Variants in XPO1 observed in about 807,000 individuals in gnomAD.
The protein encoded by XPO1 is exportin 1.
XPO1 carries 5 observed loss-of-function variants against 133.3 expected under a neutral mutation model. That is an observed-to-expected ratio of 0.04 (90% CI 0.02 to 0.08). The LOEUF is 0.08. XPO1 is among the 10% of genes least tolerant of loss of function. The pLI, the probability that XPO1 is intolerant of heterozygous loss-of-function variation, is 1.00. For missense variants in XPO1, 506 were observed against 1,267.5 expected, an observed-to-expected ratio of 0.40 and a Z score of 9.12; for synonymous variants, 419 against 408.2, an observed-to-expected ratio of 1.03 and a Z score of -0.32.
intron 2 of XPO1, among the ~76,000 whole-genome samples, chr2:61,532,368 C>A (rs1027012623): frequency 6.6e-6 from 1 of 151,928 alleles, no homozygotes; most frequent in Non-Finnish European, 1.5e-5. Flanking sequence ...ACCTCGTCAT[C>A]CGCCGGCGTC....
Position 61,478,481 on chromosome 2 carries a change from G to GA in XPO1, c.*338dup, listed in dbSNP as rs762058763. The GA allele has an allele frequency of 2.6e-5, 7 of 273,038 alleles. No homozygotes were observed. Among genetic ancestry groups the GA allele is most frequent in the Non-Finnish European group, 4.8e-5 (7 of 144,882 alleles). 16.9% of individuals were successfully genotyped at this position (273,038 alleles called of 1,614,324 possible). A position where few individuals can be genotyped will look rare whatever the true frequency, so the allele number is the denominator to read the frequency against. Reference sequence around the variant, plus strand: ...AATTAAAAATTGGTATTGTTTACAGGAAAAATTGTATAATTTTGCATTAGA... The same window carrying GA: ...AATTAAAAATTGGTATTGTTTACAGGAAAAAATTGTATAATTTTGCATTAGA... On this transcript the variant is annotated 3_prime_UTR_variant, in exon 25 of 25. Transcript: ENST00000401558.
intron 2 of XPO1, among the ~76,000 whole-genome samples, chr2:61,531,013 G>C (rs1558682234): frequency 6.6e-6 from 1 of 152,076 alleles, no homozygotes; most frequent in Admixed American, 6.6e-5. Context: ...TTGTACATGG[G>C]ACTTAAGCAA....
At chr2:61,527,923 T>C (rs188704842) in intron 2 of XPO1, among the ~76,000 whole-genome samples, 37 of 151,916 alleles carry the variant, frequency 2.4e-4, no homozygotes, top group African/African-American at 8.9e-4. Flanking sequence ...TTTATTCCTT[T>C]TTTCTCTCTT....
intron 24 of XPO1, among the ~76,000 whole-genome samples, chr2:61,480,858 A>G (rs970262460): frequency 2.0e-5 from 3 of 152,166 alleles, no homozygotes; most frequent in African/African-American, 7.2e-5. Flanking sequence ...AGTTCCCTCA[A>G]CTAACAAAAT....
intron 2 of XPO1, among the ~76,000 whole-genome samples, chr2:61,531,932 T>G (rs1414101468): frequency 3.3e-5 from 5 of 152,212 alleles, no homozygotes; most frequent in Admixed American, 3.3e-4. Flanking sequence ...AGTAATTTTT[T>G]CTACTTTTAG....
chr2:61,510,726 C>A (rs569372922), intron 4 of XPO1, among the ~76,000 whole-genome samples: 13 of 152,164 alleles, frequency 8.5e-5, no homozygotes, highest in Middle Eastern at 3.4e-3. Context: ...CGCTTGAGCC[C>A]AGGAGTTCAG....
chr2:61,484,220 G>T, intron 20 of XPO1, 115 bp from the exon 21 acceptor site: 1 of 896,498 alleles, frequency 1.1e-6, no homozygotes. Flanking sequence ...ATAAACCACA[G>T]AAGATAGAAT....
Position 61,481,259 on chromosome 2 carries a change from T to C in XPO1, c.2995A>G (p.Thr999Ala). 1 of 1,611,350 alleles carries C rather than the reference T, an allele frequency of 6.2e-7. No individual in the cohort carries two copies. The highest frequency in any genetic ancestry group is 8.5e-7 in the Non-Finnish European group (1 of 1,179,136). Reference sequence around the variant, plus strand: ...TCTTGATTTAAGCTGAAAAGCCCTGTCACAAAGAGCTTTACTTGAGCACTG... The same window carrying C: ...TCTTGATTTAAGCTGAAAAGCCCTGCCACAAAGAGCTTTACTTGAGCACTG... ...LQDAQVKLFV[T>A]GLFSLNQDIP... Residue 999 changes from threonine (T) to alanine (A), a missense_variant, in exon 24 of 25, where the codon ACA (threonine) becomes GCA (alanine). Transcript: ENST00000401558.
intron 21 of XPO1, 140 bp from the exon 22 acceptor site, chr2:61,483,231 G>C (rs1357785652): frequency 1.2e-5 from 10 of 865,534 alleles, no homozygotes; most frequent in South Asian, 2.0e-5. Context: ...ACTTGCATAA[G>C]GTTTCTTAAA....
At chr2:61,481,466 T>A (rs1345269753) in intron 23 of XPO1, among the ~76,000 whole-genome samples, 185 bp from the exon 24 acceptor site, 1 of 152,092 alleles carries the variant, frequency 6.6e-6, no homozygotes, top group African/African-American at 2.4e-5. Flanking sequence ...CAAGAATTTT[T>A]TTTTAATTTT....
intron 3 of XPO1, among the ~76,000 whole-genome samples, chr2:61,524,860 G>C (rs1698848579): frequency 6.6e-6 from 1 of 152,136 alleles, no homozygotes; most frequent in African/African-American, 2.4e-5. Flanking sequence ...TGAGGTTACA[G>C]TGAGCTATAA....
intron 2 of XPO1, among the ~76,000 whole-genome samples, chr2:61,529,593 C>A (rs890967600): frequency 6.6e-6 from 1 of 150,462 alleles, no homozygotes; most frequent in Non-Finnish European, 1.5e-5. Flanking sequence ...ACCCGGAAGG[C>A]GGAGGTTGCA....
chr2:61,495,759 C>T (rs1558643270), intron 10 of XPO1, 146 bp from the exon 11 acceptor site: 1 of 711,658 alleles, frequency 1.4e-6, no homozygotes, highest in African/African-American at 1.8e-5. Flanking sequence ...GCAGCCTCCA[C>T]CTCCTAGGCC....
intron 4 of XPO1, among the ~76,000 whole-genome samples, chr2:61,516,292 C>G (rs1558664795): frequency 6.6e-6 from 1 of 150,640 alleles, no homozygotes; most frequent in Non-Finnish European, 1.5e-5. Context: ...GCAACAACAG[C>G]GAAACTCCGC....
intron 24 of XPO1, among the ~76,000 whole-genome samples, chr2:61,480,062 A>T (rs1696264033): frequency 1.3e-5 from 2 of 151,746 alleles, no homozygotes; most frequent in African/African-American, 4.8e-5. Flanking sequence ...ATGAGGTTTC[A>T]CCATGTTGGC....
intron 1 of XPO1, chr2:61,536,460 T>C (rs1399387715): frequency 6.6e-6 from 1 of 152,240 alleles, no homozygotes; most frequent in Non-Finnish European, 1.5e-5. Context: ...TAATGGATAA[T>C]GTGACTCTAC....
intron 18 of XPO1, 101 bp from the exon 19 acceptor site, chr2:61,488,372 T>G: frequency 7.5e-7 from 1 of 1,330,222 alleles, no homozygotes; most frequent in Non-Finnish European, 1.0e-6. Flanking sequence ...TTAAAAAGTT[T>G]AAAGCCAAAA....
intron 1 of XPO1, chr2:61,536,690 A>C (rs1230977245): frequency 6.6e-6 from 1 of 151,948 alleles, no homozygotes; most frequent in African/African-American, 2.4e-5. Context: ...TAACTATAGC[A>C]CACAGGAGCA....
intron 4 of XPO1, among the ~76,000 whole-genome samples, chr2:61,516,137 A>C (rs1350041317): frequency 2.7e-5 from 4 of 148,886 alleles, no homozygotes; most frequent in Non-Finnish European, 6.0e-5. Flanking sequence ...AAATTAAAAA[A>C]AAACAAAACA....
Sources: gnomAD v4.1 joint callset for allele counts (sites outside exome capture counted in the v4.1 genomes callset) on GRCh38, gnomAD v4.1.1 for gene constraint, MANE v1.5 for transcripts, NCBI Gene and HGNC (gene_info 2026-07-23, HGNC 2026-07-21) for gene names.